Variants in DNAH17 observed in about 807,000 individuals in gnomAD.
DNAH17 encodes dynein axonemal heavy chain 17, also known as axonemal beta dynein heavy chain 17.
DNAH17 carries 376 observed loss-of-function variants against 485.6 expected under a neutral mutation model. That is an observed-to-expected ratio of 0.77 (90% CI 0.71 to 0.84). The LOEUF (loss-of-function observed/expected upper bound fraction) is 0.84, where lower values mean the gene tolerates loss of function less well. Ranked by LOEUF, DNAH17 falls within the 40% of genes least tolerant of loss-of-function variation. DNAH17 has a pLI of 0.00. For missense variants in DNAH17, 6,370 were observed against 5,839.3 expected (o/e 1.09, Z -2.96); for synonymous variants, 3,031 against 2,405.9 (o/e 1.26, Z -7.60).
intron 12 of DNAH17, among the ~76,000 whole-genome samples, chr17:78,561,279 A>C (rs1206588247): frequency 6.8e-6 from 1 of 148,008 alleles, no homozygotes; most frequent in African/African-American, 2.5e-5. Flanking sequence ...CCCCCCAAAC[A>C]ACCACATAAA....
At position 78,459,021 on chromosome 17, in the gene DNAH17, G is replaced by A. The variant is rs1256951615; in HGVS notation, c.9841C>T (p.Arg3281Trp). Residue 3281 changes from arginine (R) to tryptophan (W), a missense_variant, in exon 61 of 81, where the codon CGG becomes TGG. Physicochemically the swap from Arg to Trp is moderately radical, Grantham distance 101. Coordinates refer to ENST00000389840, the MANE Select transcript of DNAH17 (RefSeq NM_173628.4). ...ELAEAQEKLS[R>W]IKNKIAELNA... ...CTTACGGCAATCTTGTTTTTGATCC[G>A]GGACAGCTTCTCTTGTGCCTCTGCC... is the stretch of plus-strand genomic sequence containing the variant. The A allele has an allele frequency of 1.1e-5, 17 of 1,613,888 alleles. No homozygotes were observed. The highest frequency in any genetic ancestry group is 1.7e-5 in the Admixed American group (1 of 60,002).
intron 56 of DNAH17, among the ~76,000 whole-genome samples, chr17:78,463,485 C>A (rs972474434): frequency 6.6e-6 from 1 of 152,046 alleles, no homozygotes; most frequent in Non-Finnish European, 1.5e-5. Flanking sequence ...CATTCACATA[C>A]CTGTATATAT....
chr17:78,504,682 G>A (rs2090427132), intron 31 of DNAH17, among the ~76,000 whole-genome samples: 1 of 152,132 alleles, frequency 6.6e-6, no homozygotes, highest in African/African-American at 2.4e-5. Flanking sequence ...GGGGCAGCCC[G>A]GAAGTTTTCT....
chr17:78,557,596 G>A (rs1387879103), intron 14 of DNAH17, among the ~76,000 whole-genome samples: 1 of 129,966 alleles, frequency 7.7e-6, no homozygotes, highest in African/African-American at 2.9e-5. Context: ...CCTAGATTGT[G>A]CCACTGCACT....
At chr17:78,519,041 A>C (rs915815534) in intron 25 of DNAH17, among the ~76,000 whole-genome samples, 1 of 151,772 alleles carries the variant, frequency 6.6e-6, no homozygotes, top group Non-Finnish European at 1.5e-5. Flanking sequence ...GGTGGCGGGC[A>C]CCTGTAGTCC....
chr17:78,474,434 G>A (rs373300486), intron 54 of DNAH17, among the ~76,000 whole-genome samples: 3 of 152,344 alleles, frequency 2.0e-5, no homozygotes, highest in African/African-American at 7.2e-5. Flanking sequence ...AGTGTGTGTT[G>A]GGCATGGGAG....
chr17:78,486,713 G>A (rs557568460), intron 44 of DNAH17, among the ~76,000 whole-genome samples: 34 of 152,358 alleles, frequency 2.2e-4, no homozygotes, highest in Admixed American at 5.2e-4. Context: ...TGCCAGGGTC[G>A]TGGGGGCTGT....
At position 78,561,807 on chromosome 17, in the gene DNAH17, G is replaced by A. The variant is rs1220406134; in HGVS notation, c.1743C>T (p.Asn581=). The A allele has an allele frequency of 1.2e-6, 2 of 1,613,898 alleles. No individual in the cohort carries two copies. The highest frequency in any genetic ancestry group is 1.7e-6 in the Non-Finnish European group (2 of 1,179,844). ...EEGNIPLIHK[N]MPPVAGQLKW... is the part of the protein sequence containing the mutation. Reference sequence around the variant, plus strand: ...TGAGCTGCCCGGCCACGGGAGGCATGTTTTTGTGGATCAGGGGGATGTTCC... The same window carrying A: ...TGAGCTGCCCGGCCACGGGAGGCATATTTTTGTGGATCAGGGGGATGTTCC... The change falls in exon 12 of 81, where the codon AAC becomes AAT. Residue 581 remains asparagine (N), a synonymous_variant. Coordinates refer to ENST00000389840, the MANE Select transcript of DNAH17 (RefSeq NM_173628.4).
At chr17:78,561,479 G>A (rs1023112336) in intron 12 of DNAH17, among the ~76,000 whole-genome samples, 2 of 152,100 alleles carry the variant, frequency 1.3e-5, no homozygotes, top group Non-Finnish European at 2.9e-5. Context: ...TGGTCTTCAT[G>A]TCTACCAGGC....
Position 78,449,095 on chromosome 17 carries a change from C to G in DNAH17, c.11211+319G>C, listed in dbSNP as rs76261683. On this transcript the variant is annotated intron_variant, in intron 69 of 80. Transcript: ENST00000389840. ...CAGTCACCCCACAGTGGGCTAAGCA[C>G]TAATGCAGGACTATTTACTCAGCAC... Among the ~76,000 whole-genome samples the G allele has an allele frequency of 1.5e-3, 230 of 152,292 alleles. 2 individuals are homozygous for G. The highest frequency in any genetic ancestry group is 5.3e-3 in the African/African-American group (220 of 41,560).
At chr17:78,558,315 A>C (rs747135648) in intron 13 of DNAH17, 61 bp from the exon 14 acceptor site, 3 of 1,569,538 alleles carry the variant, frequency 1.9e-6, no homozygotes, top group Non-Finnish European at 2.6e-6. Context: ...TGCAGTGTTC[A>C]AGCAACAGAA....
chr17:78,427,056 A>T lies in DNAH17; in HGVS notation c.12641T>A (p.Met4214Lys), dbSNP rs760533197. 7 of 1,599,044 alleles carry T rather than the reference A, an allele frequency of 4.4e-6. No individual in the cohort carries two copies. Among genetic ancestry groups the T allele is most frequent in the Admixed American group, 3.5e-5 (2 of 57,662 alleles). Residue 4214 changes from methionine (M) to lysine (K), a missense_variant, in exon 78 of 81, where the codon ATG becomes AAG. Coordinates refer to ENST00000389840, the MANE Select transcript of DNAH17 (RefSeq NM_173628.4). ...ILEKIPETFN[M>K]AEIMAKAAEK... Reference sequence around the variant, plus strand: ...CGCTGCCTTTGCCATGATCTCAGCCATGTTGAAAGTCTCCGGAATCTTCTC... The same window carrying T: ...CGCTGCCTTTGCCATGATCTCAGCCTTGTTGAAAGTCTCCGGAATCTTCTC...
chr17:78,425,805 ACCCAGG>A (rs2146404442), intron 79 of DNAH17, among the ~76,000 whole-genome samples: 1 of 136,728 alleles, frequency 7.3e-6, no homozygotes, highest in Non-Finnish European at 1.5e-5. Context: ...TCGCTCTGTC[ACCCAGG>A]CTGGAGTGCA....
intron 37 of DNAH17, among the ~76,000 whole-genome samples, chr17:78,496,424 C>T (rs371583761): frequency 1.4e-5 from 2 of 142,322 alleles, no homozygotes; most frequent in Admixed American, 7.4e-5. Context: ...CTGATGGGAA[C>T]ATCTTGCCTA....
chr17:78,481,246 G>A (rs1300710522), intron 48 of DNAH17, among the ~76,000 whole-genome samples: 6 of 150,262 alleles, frequency 4.0e-5, no homozygotes, highest in Non-Finnish European at 8.9e-5. Context: ...GAGACTACAG[G>A]TGCCCGCCAC....
At position 78,453,402 on chromosome 17, in the gene DNAH17, G is replaced by A. The variant is rs145480120; in HGVS notation, c.10470C>T (p.Gly3490=). 9.3e-5 allele frequency: 150 copies of A among 1,613,694 alleles called. No individual in the cohort carries two copies. Among genetic ancestry groups the A allele is most frequent in the Non-Finnish European group, 1.2e-4 (136 of 1,179,810 alleles). ...GGTCCAGCACGGGGTCCACGGTTTCGCCGATGTTCTCAATGAGCAAGGTGT... is the reference window on the plus strand; with the variant it reads ...GGTCCAGCACGGGGTCCACGGTTTCACCGATGTTCTCAATGAGCAAGGTGT... ...EGDTLLIENI[G]ETVDPVLDPL... The change falls in exon 65 of 81, where the codon GGC becomes GGT. Residue 3490 remains glycine (G), a synonymous_variant. Transcript: ENST00000389840.
Position 78,437,692 on chromosome 17 carries a change from G to T in DNAH17, c.11982C>A (p.Pro3994=). 5 of 1,612,284 alleles carry T rather than the reference G, an allele frequency of 3.1e-6. No homozygotes were observed. Among genetic ancestry groups the T allele is most frequent in the Non-Finnish European group, 4.2e-6 (5 of 1,179,618 alleles). The change falls in exon 74 of 81, where the codon CCC becomes CCA. Residue 3994 remains proline (P), a synonymous_variant. Coordinates refer to ENST00000389840, the MANE Select transcript of DNAH17 (RefSeq NM_173628.4). ...LENAIKITNE[P]PTGMHANLHK... is the part of the protein sequence containing the mutation. ...GCAAGTTGGCGTGCATGCCCGTGGG[G>T]GGCTCGTTGGTGATCTTGATGGCGT...
intron 19 of DNAH17, among the ~76,000 whole-genome samples, chr17:78,536,483 T>C (rs2007991): frequency 0.79 from 119,898 of 151,538 alleles, 47,445 homozygotes; most frequent in East Asian, 0.88. Context: ...TTAAGACCAC[T>C]CTGGGCAACA....
chr17:78,563,509 T>TC (rs144699455), intron 11 of DNAH17, among the ~76,000 whole-genome samples: 42,521 of 151,890 alleles, frequency 0.28, 6,146 homozygotes, highest in Admixed American at 0.39. Flanking sequence ...TGAAGACCCA[T>TC]CATCCAGACA....
Sources: allele counts gnomAD v4.1 joint callset (sites outside exome capture counted in the v4.1 genomes callset), GRCh38; gene constraint gnomAD v4.1.1; transcripts MANE v1.5; gene names NCBI Gene and HGNC (gene_info 2026-07-23, HGNC 2026-07-21).